The following IQCK variants were observed in gnomAD, a reference collection of about 807,000 sequenced individuals.
IQCK encodes the protein IQ motif containing K, also known as IQ domain-containing protein K.
IQCK carries 29 observed loss-of-function variants against 28.1 expected under a neutral mutation model. The observed-to-expected ratio is 1.03, with a 90% confidence interval of 0.77 to 1.41. The LOEUF is 1.41. Ranked by LOEUF, IQCK falls within the 40% of genes most tolerant of loss-of-function variation. The probability of loss-of-function intolerance (pLI) is 0.00; values close to 1 mark genes in which losing one functional copy is unlikely to be tolerated. For missense variants in IQCK, 359 were observed against 314.7 expected (o/e 1.14, Z -1.07); for synonymous variants, 113 against 115.1 (o/e 0.98, Z 0.12).
At chr16:19,852,470 T>C (rs987706916) in intron 9 of IQCK, among the ~76,000 whole-genome samples, 5 of 152,110 alleles carry the variant, frequency 3.3e-5, no homozygotes, top group Non-Finnish European at 7.4e-5. Context: ...TCTTCCCCCA[T>C]GAAGCCACTT....
intron 1 of IQCK, among the ~76,000 whole-genome samples, chr16:19,725,160 TGTAA>T (rs1977615854): frequency 1.3e-5 from 2 of 152,242 alleles, no homozygotes; most frequent in Admixed American, 1.3e-4. Flanking sequence ...ATGGAAAGAT[TGTAA>T]ACATTTATAC....
chr16:19,834,725 C>T (rs1248436002), intron 9 of IQCK, among the ~76,000 whole-genome samples: 1 of 152,156 alleles, frequency 6.6e-6, no homozygotes, highest in Non-Finnish European at 1.5e-5. Flanking sequence ...ATTCTTTTCT[C>T]CCTCTTTCCA....
intron 4 of IQCK, among the ~76,000 whole-genome samples, chr16:19,756,189 C>T (rs1243742866): frequency 1.3e-5 from 2 of 152,000 alleles, no homozygotes; most frequent in East Asian, 3.9e-4. Context: ...ATCAATCAAT[C>T]GGCAAAGCAT....
chr16:19,718,382 C>T (rs763828320), exon 1 of IQCK: 5 of 1,607,472 alleles, frequency 3.1e-6, no homozygotes, highest in Admixed American at 1.7e-5. Flanking sequence ...GTCGTTCACC[C>T]GGACGCCGGT....
At chr16:19,822,570 G>C (rs1317676224) in intron 7 of IQCK, among the ~76,000 whole-genome samples, 1 of 152,072 alleles carries the variant, frequency 6.6e-6, no homozygotes, top group Non-Finnish European at 1.5e-5. Flanking sequence ...ACACATGATT[G>C]TACGATTCCA....
chr16:19,721,692 T>A (rs1004372987), intron 1 of IQCK, among the ~76,000 whole-genome samples: 1 of 151,866 alleles, frequency 6.6e-6, no homozygotes, highest in Non-Finnish European at 1.5e-5. Context: ...TTCAAGCAAT[T>A]CTCCTGCTTC....
intron 7 of IQCK, among the ~76,000 whole-genome samples, chr16:19,821,703 A>G (rs1342974069): frequency 6.6e-6 from 1 of 152,158 alleles, no homozygotes; most frequent in Non-Finnish European, 1.5e-5. Flanking sequence ...CAATAAATAA[A>G]TAAACAAACA....
At chr16:19,853,250 A>T (rs2056509188) in intron 9 of IQCK, among the ~76,000 whole-genome samples, 1 of 152,006 alleles carries the variant, frequency 6.6e-6, no homozygotes, top group East Asian at 1.9e-4. Context: ...TCCCCAGGTA[A>T]TTCCACTGGG....
chr16:19,828,333 A>G (rs1352722235), downstream of IQCK, among the ~76,000 whole-genome samples: 1 of 146,404 alleles, frequency 6.8e-6, no homozygotes, highest in African/African-American at 2.5e-5. Context: ...TCCTGGAGTC[A>G]AGCAATTCTC....
chr16:19,770,818 T>C (rs1450536777), intron 6 of IQCK, among the ~76,000 whole-genome samples: 3 of 152,184 alleles, frequency 2.0e-5, no homozygotes, highest in Non-Finnish European at 2.9e-5. Flanking sequence ...AGACAGGGTC[T>C]CATCATGTTG....
At chr16:19,839,987 C>T (rs1424470508) in intron 9 of IQCK, among the ~76,000 whole-genome samples, 2 of 151,178 alleles carry the variant, frequency 1.3e-5, no homozygotes, top group East Asian at 3.9e-4. Flanking sequence ...CAGAGCAAGA[C>T]CCTGTCTCCA....
At chr16:19,831,826 A>C (rs2056236395), downstream of IQCK, among the ~76,000 whole-genome samples, 2 of 152,102 alleles carry the variant, frequency 1.3e-5, no homozygotes, top group Non-Finnish European at 2.9e-5. Flanking sequence ...AGGGAGAGTC[A>C]CATCAGCTGT....
At chr16:19,777,029 C>G (rs1486818369) in intron 6 of IQCK, among the ~76,000 whole-genome samples, 1 of 152,120 alleles carries the variant, frequency 6.6e-6, no homozygotes, top group South Asian at 2.1e-4. Context: ...GCACGAAGAG[C>G]AAAAGTGCAC....
chr16:19,743,779 A>AT (rs2054868903), intron 4 of IQCK, among the ~76,000 whole-genome samples: 1 of 152,244 alleles, frequency 6.6e-6, no homozygotes, highest in Admixed American at 6.5e-5. Flanking sequence ...AGATTCTGAC[A>AT]TGAAAGATGG....
intron 9 of IQCK, among the ~76,000 whole-genome samples, chr16:19,846,213 T>G (rs2056414095): frequency 6.6e-6 from 1 of 152,204 alleles, no homozygotes; most frequent in African/African-American, 2.4e-5. Context: ...GCTTCCAAGA[T>G]GTTGAGAGAC....
At chr16:19,779,778 T>C (rs550502323) in intron 6 of IQCK, among the ~76,000 whole-genome samples, 62 of 151,308 alleles carry the variant, frequency 4.1e-4, no homozygotes, top group South Asian at 1.7e-3. Context: ...AGTGCAGTGG[T>C]GCGATCTCGG....
At chr16:19,839,652 A>G (rs2056342464) in intron 9 of IQCK, among the ~76,000 whole-genome samples, 1 of 152,130 alleles carries the variant, frequency 6.6e-6, no homozygotes, top group South Asian at 2.1e-4. Context: ...TCTGTGTTAC[A>G]TAACCTCCTT....
At chr16:19,723,679 C>T (rs1198657430) in intron 1 of IQCK, among the ~76,000 whole-genome samples, 1 of 152,116 alleles carries the variant, frequency 6.6e-6, no homozygotes, top group Non-Finnish European at 1.5e-5. Context: ...CCTGGCCGGG[C>T]GTGGTAGCTC....
At position 19,727,860 on chromosome 16, in the gene IQCK, A is replaced by G. The variant is rs912575570; in HGVS notation, c.182-2570A>G. Among the ~76,000 whole-genome samples the G allele has an allele frequency of 2.0e-5, 3 of 152,242 alleles. No homozygotes were observed. The East Asian group carries it at 5.8e-4, about 29-fold the overall frequency. The stretch of plus-strand genomic sequence containing the variant: ...AATTTACATGCTTGCCAGAGAGGAA[A>G]AAAATGGTAGAGCTTGGGCTGGTAT... On this transcript the variant is annotated intron_variant, in intron 1 of 7. Coordinates refer to ENST00000564186, the Ensembl canonical transcript of IQCK.
Sources: allele counts gnomAD v4.1 joint callset (sites outside exome capture counted in the v4.1 genomes callset), GRCh38; gene constraint gnomAD v4.1.1; transcripts MANE v1.5; gene names NCBI Gene and HGNC (gene_info 2026-07-23, HGNC 2026-07-21).